Variants in POLRMT observed in about 807,000 individuals in gnomAD.
The protein encoded by POLRMT is RNA polymerase mitochondrial.
A neutral mutation model predicts 132.2 loss-of-function variants in POLRMT; 114 were observed. That is an observed-to-expected ratio of 0.86 (90% CI 0.74 to 1.01). The LOEUF is 1.01. Among genes scored for constraint, POLRMT ranks in the 50% least tolerant of loss-of-function variants. POLRMT has a pLI of 0.00. For synonymous variants in POLRMT, 1,020 were observed against 773.4 expected, an observed-to-expected ratio of 1.32 and a Z score of -5.29; for missense variants, 2,003 against 1,729.1, an observed-to-expected ratio of 1.16 and a Z score of -2.81.
chr19:619,906 G>T, intron 12 of POLRMT, 52 bp downstream of exon 12: 1 of 1,597,082 alleles, frequency 6.3e-7, no homozygotes. Flanking sequence ...GAGACTCAGG[G>T]CTCACATTGC....
Position 633,529 on chromosome 19 carries a change from G to GGCGCTGCCGCCGCC in POLRMT, c.-18_-17insGGCGGCGGCAGCGC. On this transcript the variant is annotated 5_prime_UTR_variant, in exon 1 of 21. Coordinates refer to ENST00000588649, the MANE Select transcript of POLRMT (RefSeq NM_005035.4). The stretch of plus-strand genomic sequence containing the variant: ...TGCCGACATTACGCACGCCGCTCCA[G>GGCGCTGCCGCCGCC]GCCACCCCACCGGCCCGCGCCTGCG... 2 of 1,463,692 alleles carry GGCGCTGCCGCCGCC rather than the reference G, an allele frequency of 1.4e-6. 1 individual carries two copies. The allele number at this position is 1,463,692 out of a possible 1,614,324, so 90.7% of individuals were successfully genotyped here. A position where few individuals can be genotyped will look rare whatever the true frequency, so the allele number is the denominator to read the frequency against.
Position 617,297 on chromosome 19 carries a change from G to A in POLRMT, c.3670C>T (p.Arg1224Cys), listed in dbSNP as rs199982300. The A allele has an allele frequency of 2.3e-5, 37 of 1,612,874 alleles. No individual in the cohort carries two copies. Among genetic ancestry groups the A allele is most frequent in the Admixed American group, 1.8e-4 (11 of 60,022 alleles). ...PGAFDLEQVK[R>C]STYFFS is the part of the protein sequence containing the mutation. ...TGTCAGCTGAAGAAGTAGGTGGAAC[G>A]CTTCACCTGCTCCAGGTCGAAGGCC... The change falls in exon 21 of 21, where the codon CGT becomes TGT. Residue 1224 changes from arginine (R) to cysteine (C), a missense_variant. Coordinates refer to ENST00000588649, the MANE Select transcript of POLRMT (RefSeq NM_005035.4).
intron 17 of POLRMT, 124 bp from the exon 18 acceptor site, chr19:617,973 C>A: frequency 1.3e-6 from 1 of 785,488 alleles, no homozygotes; most frequent in Non-Finnish European, 2.1e-6. Context: ...TCCTGCAGGC[C>A]TCGCCCCACC....
At chr19:628,639 G>GC (rs397783288) in intron 3 of POLRMT, among the ~76,000 whole-genome samples, 9 of 151,884 alleles carry the variant, frequency 5.9e-5, no homozygotes, top group Non-Finnish European at 1.0e-4. Flanking sequence ...CATGGGGGGG[G>GC]AGAAAGCTGG....
chr19:628,941 T>A (rs1358438340), intron 3 of POLRMT, among the ~76,000 whole-genome samples: 1 of 151,836 alleles, frequency 6.6e-6, no homozygotes, highest in Admixed American at 6.6e-5. Context: ...GAGGTGGAGG[T>A]GGCCATGAGC....
intron 3 of POLRMT, among the ~76,000 whole-genome samples, chr19:627,148 A>ATTTTTTT (rs869110035): frequency 8.3e-6 from 1 of 119,772 alleles, no homozygotes; most frequent in Non-Finnish European, 1.7e-5. Flanking sequence ...GTTTTGGGGC[A>ATTTTTTT]TTTTTTTTTT....
At chr19:617,528 T>TG (rs55716325) in intron 19 of POLRMT, 42 bp downstream of exon 19, 133,499 of 1,134,450 alleles carry the variant, frequency 0.12, 5,260 homozygotes, top group Non-Finnish European at 0.13. Flanking sequence ...GGTTTTGGGG[T>TG]GGGGGGGGAA....
chr19:625,115 A>G lies in POLRMT; in HGVS notation c.953+9T>C, dbSNP rs1984930679. On this transcript the variant is annotated intron_variant, in intron 4 of 20. Transcript: ENST00000588649. ...GGTGGGGGGTGGGGGCCCTCCCGAC[A>G]CCACCTACCTTTCGATGGTCCCGGC... 2 of 1,610,484 alleles carry G rather than the reference A, an allele frequency of 1.2e-6. No homozygotes were observed. The highest frequency in any genetic ancestry group is 2.2e-5 in the East Asian group (1 of 44,832).
chr19:620,137 C>G, intron 11 of POLRMT, 57 bp from the exon 12 acceptor site: 1 of 1,526,502 alleles, frequency 6.6e-7, no homozygotes, highest in Non-Finnish European at 8.8e-7. Flanking sequence ...ACGTGTGGGA[C>G]CCCAAACCAC....
chr19:619,191 G>T lies in POLRMT; in HGVS notation c.3153+19C>A. ...TTGCTTAGGGAGTCCTGGCCGAGCG[G>T]GGACAGGACAGGACGTACCTGGATG... On this transcript the variant is annotated intron_variant, in intron 14 of 20. Transcript: ENST00000588649. 6.2e-7 allele frequency: 1 copy of T among 1,610,528 alleles called. No homozygotes were observed. The highest frequency in any genetic ancestry group is 8.5e-7 in the Non-Finnish European group (1 of 1,178,428).
chr19:625,032 G>A, intron 4 of POLRMT, 92 bp downstream of exon 4: 1 of 1,523,388 alleles, frequency 6.6e-7, no homozygotes, highest in African/African-American at 1.4e-5. Context: ...GGCCCTCTGG[G>A]GGTCCCCAGC....
intron 6 of POLRMT, among the ~76,000 whole-genome samples, 184 bp from the exon 7 acceptor site, chr19:623,169 A>T (rs1177518087): frequency 6.6e-6 from 1 of 152,182 alleles, no homozygotes; most frequent in Non-Finnish European, 1.5e-5. Flanking sequence ...CGCAGCCAAG[A>T]GCAAAAGCCC....
At position 625,403 on chromosome 19, in the gene POLRMT, C is replaced by A. The variant is rs1357124404; in HGVS notation, c.823-149G>T. On this transcript the variant is annotated intron_variant, in intron 3 of 20. Transcript: ENST00000588649. ...TGGCCAGCTGGGCAGACCGATGCATCCCCCTGAGGTTCTGACACACAAGCT... is the reference window on the plus strand; with the variant it reads ...TGGCCAGCTGGGCAGACCGATGCATACCCCTGAGGTTCTGACACACAAGCT... 2.5e-5 allele frequency: 26 copies of A among 1,027,628 alleles called. No individual in the cohort carries two copies. In the Middle Eastern group the frequency reaches 7.6e-4, roughly 30 times the overall value. The allele number at this position is 1,027,628 out of a possible 1,614,324, so 63.7% of individuals were successfully genotyped here. A position where few individuals can be genotyped will look rare whatever the true frequency, so the allele number is the denominator to read the frequency against.
At position 621,337 on chromosome 19, in the gene POLRMT, C is replaced by T. The variant is rs1265433605; in HGVS notation, c.2361G>A (p.Gln787=). ...GCCAGAAGACGCGGTCCCGCAGGTG[C>T]TGCGCCAGCGAGAGGCGGTACAGCG... ...AEALYRLSLA[Q]HLRDRVFWLP... The change falls in exon 10 of 21, where the codon CAG becomes CAA. Residue 787 remains glutamine, a synonymous_variant. Transcript: ENST00000588649. 6.3e-7 allele frequency: 1 copy of T among 1,589,162 alleles called. No individual in the cohort carries two copies. The highest frequency in any genetic ancestry group is 8.5e-7 in the Non-Finnish European group (1 of 1,174,926).
At chr19:633,013 G>C in intron 1 of POLRMT, 75 bp from the exon 2 acceptor site, 1 of 1,072,240 alleles carries the variant, frequency 9.3e-7, no homozygotes, top group Non-Finnish European at 1.3e-6. Flanking sequence ...GAAGCCGAAG[G>C]GTCGAAGGGC....
At position 622,132 on chromosome 19, in the gene POLRMT, A is replaced by T; in HGVS notation, c.1851+17T>A. The T allele has an allele frequency of 6.6e-7, 1 of 1,526,362 alleles. No individual in the cohort carries two copies. 94.6% of individuals were successfully genotyped at this position (1,526,362 alleles called of 1,614,324 possible). A position where few individuals can be genotyped will look rare whatever the true frequency, so the allele number is the denominator to read the frequency against. On this transcript the variant is annotated intron_variant, in intron 9 of 20. Transcript: ENST00000588649. ...CCAGCGGGATGCCCCCCAGCTCAGG[A>T]GGGCACTGCCTGGCACCTGCTGGAC...
intron 5 of POLRMT, 45 bp downstream of exon 5, chr19:624,674 G>A: frequency 6.3e-7 from 1 of 1,578,508 alleles, no homozygotes; most frequent in Non-Finnish European, 8.6e-7. Context: ...ACCCCCAAAG[G>A]GCAGCTATAA....
rs1380944961 is a variant in POLRMT at position 621,549 on chromosome 19, C to T, written c.2149G>A (p.Val717Met). The T allele has an allele frequency of 9.2e-6, 13 of 1,417,226 alleles. No individual in the cohort carries two copies. In the East Asian group the frequency reaches 3.1e-4, roughly 34 times the overall value. 87.8% of individuals were successfully genotyped at this position (1,417,226 alleles called of 1,614,324 possible). Residue 717 changes from valine to methionine, a missense_variant, in exon 10 of 21, where the codon GTG (valine) becomes ATG (methionine). Val to Met is a conservative substitution (Grantham distance 21, BLOSUM62 1). Transcript: ENST00000588649. ...WRVNGRVLDL[V>M]LQLFQAKGCP... ...CCCTTGGCCTGGAAGAGCTGCAGCA[C>T]CAGGTCCAGCACGCGCCCGTTGACG...
intron 3 of POLRMT, among the ~76,000 whole-genome samples, chr19:627,062 C>T (rs1400108139): frequency 6.6e-6 from 1 of 152,066 alleles, no homozygotes; most frequent in East Asian, 1.9e-4. Context: ...TCCCTTACAT[C>T]CTCCCACCCC....
Sources: gnomAD v4.1 joint callset for allele counts (sites outside exome capture counted in the v4.1 genomes callset) on GRCh38, gnomAD v4.1.1 for gene constraint, MANE v1.5 for transcripts, NCBI Gene and HGNC (gene_info 2026-07-23, HGNC 2026-07-21) for gene names.